The following PCDH11Y variants were observed in gnomAD, a reference collection of about 807,000 sequenced individuals.
PCDH11Y encodes the protein protocadherin-11 Y-linked.
For missense variants in PCDH11Y, 12 were observed against 224.8 expected, an observed-to-expected ratio of 0.05 and a Z score of 6.05; for synonymous variants, 9 against 83.6, an observed-to-expected ratio of 0.11 and a Z score of 4.87.
At chrY:5,073,900 T>G in intron 1 of PCDH11Y, among the ~76,000 whole-genome samples, 1 of 32,171 alleles carries the variant, frequency 3.1e-5, no homozygotes, top group Non-Finnish European at 7.5e-5. Flanking sequence ...TTCTATACAT[T>G]TATATTTTCT....
intron 2 of PCDH11Y, among the ~76,000 whole-genome samples, chrY:5,216,571 C>T: frequency 2.6e-4 from 8 of 30,933 alleles, no homozygotes; most frequent in African/African-American, 7.6e-4. Flanking sequence ...TGCTCTTTCA[C>T]GTATTGTATA....
chrY:5,194,076 CATT>C, intron 2 of PCDH11Y, among the ~76,000 whole-genome samples: 1 of 32,996 alleles, frequency 3.0e-5, no homozygotes, highest in Non-Finnish European at 7.4e-5. Flanking sequence ...AGTAGCATCA[CATT>C]AGTAAAATTC....
intron 4 of PCDH11Y, among the ~76,000 whole-genome samples, chrY:5,657,482 C>T (rs2053537602): frequency 2.9e-5 from 1 of 34,033 alleles, no homozygotes. Flanking sequence ...GTATCTATAT[C>T]GGAGAAGTTT....
chrY:5,104,412 A>G, downstream of PCDH11Y: 1 of 388,700 alleles, frequency 2.6e-6, no homozygotes. Context: ...ACAAAATTCC[A>G]TTCCCCTTCC....
chrY:5,356,643 G>A (rs2053166138), intron 2 of PCDH11Y, among the ~76,000 whole-genome samples: 1 of 30,038 alleles, frequency 3.3e-5, no homozygotes, highest in Admixed American at 3.2e-4. Context: ...TTGGGAGGCC[G>A]AGGTGGGAGG....
At chrY:5,068,543 TG>T (rs2052692263) in intron 1 of PCDH11Y, among the ~76,000 whole-genome samples, 8 of 15,287 alleles carry the variant, frequency 5.2e-4, no homozygotes, top group African/African-American at 1.5e-3. Flanking sequence ...TTGTGTCCTC[TG>T]TGTGTGTGTG....
chrY:5,561,233 C>G, intron 3 of PCDH11Y, among the ~76,000 whole-genome samples: 1 of 22,511 alleles, frequency 4.4e-5, no homozygotes, highest in South Asian at 1.4e-3. Context: ...TAGGAAGTAA[C>G]TAATTTGCCT....
chrY:5,330,268 C>T, intron 2 of PCDH11Y, among the ~76,000 whole-genome samples: 1 of 32,825 alleles, frequency 3.0e-5, no homozygotes, highest in Admixed American at 2.8e-4. Flanking sequence ...AAGGCAAGGA[C>T]CGGCCATTTA....
intron 2 of PCDH11Y, among the ~76,000 whole-genome samples, chrY:5,395,591 T>C (rs2053226180): frequency 1.3e-3 from 43 of 32,165 alleles, no homozygotes; most frequent in Non-Finnish European, 6.8e-4. Flanking sequence ...CAAAAAAAAA[T>C]TGGAAAAGAA....
At chrY:5,243,498 A>AT (rs546533117) in intron 2 of PCDH11Y, among the ~76,000 whole-genome samples, 69 of 25,297 alleles carry the variant, frequency 2.7e-3, no homozygotes, top group Admixed American at 8.2e-3. Context: ...GGAGCTACAG[A>AT]TTTTTTTTTT....
At chrY:5,576,535 T>C in intron 3 of PCDH11Y, among the ~76,000 whole-genome samples, 1 of 33,536 alleles carries the variant, frequency 3.0e-5, no homozygotes, top group African/African-American at 1.2e-4. Context: ...TTATTATGAT[T>C]GGCTAGATTC....
chrY:5,300,120 T>C, intron 2 of PCDH11Y, among the ~76,000 whole-genome samples: 1 of 33,724 alleles, frequency 3.0e-5, no homozygotes, highest in East Asian at 7.9e-4. Flanking sequence ...GTGTGTTGAA[T>C]TGAAACAAAG....
chrY:5,597,779 C>T (rs2053469021), intron 4 of PCDH11Y, among the ~76,000 whole-genome samples: 4 of 31,699 alleles, frequency 1.3e-4, no homozygotes, highest in African/African-American at 2.5e-4. Context: ...GCTATGAGGA[C>T]GCAAAGACAT....
At chrY:5,370,280 T>C (rs2124673075) in intron 2 of PCDH11Y, among the ~76,000 whole-genome samples, 1 of 32,218 alleles carries the variant, frequency 3.1e-5, no homozygotes, top group Non-Finnish European at 7.6e-5. Context: ...TAGAAAACTA[T>C]AAGGCTTCAT....
At chrY:5,339,374 C>T in intron 2 of PCDH11Y, among the ~76,000 whole-genome samples, 46 of 30,106 alleles carry the variant, frequency 1.5e-3, no homozygotes, top group African/African-American at 5.9e-3. Flanking sequence ...ATTTTTGAGA[C>T]GGAGTCTTGC....
chrY:5,434,297 C>G, intron 2 of PCDH11Y, among the ~76,000 whole-genome samples: 1 of 32,579 alleles, frequency 3.1e-5, no homozygotes, highest in South Asian at 7.0e-4. Context: ...CATTTGTGTA[C>G]AGTACACAAA....
At chrY:5,579,506 A>G in intron 3 of PCDH11Y, among the ~76,000 whole-genome samples, 3 of 32,766 alleles carry the variant, frequency 9.2e-5, no homozygotes, top group African/African-American at 3.5e-4. Flanking sequence ...TTTATTAACA[A>G]ATAAATTTAA....
intron 2 of PCDH11Y, among the ~76,000 whole-genome samples, chrY:5,280,647 C>G: frequency 3.1e-5 from 1 of 32,038 alleles, no homozygotes; most frequent in Non-Finnish European, 7.6e-5. Flanking sequence ...ATTTCTGTGT[C>G]GAATGGTATT....
intron 4 of PCDH11Y, among the ~76,000 whole-genome samples, chrY:5,679,477 T>A: frequency 9.0e-5 from 3 of 33,341 alleles, no homozygotes; most frequent in Admixed American, 2.7e-4. Flanking sequence ...AACCTTGGGC[T>A]CTGAATAACC....
Sources: allele counts gnomAD v4.1 joint callset (sites outside exome capture counted in the v4.1 genomes callset), GRCh38; gene constraint gnomAD v4.1.1; transcripts MANE v1.5; gene names NCBI Gene and HGNC (gene_info 2026-07-23, HGNC 2026-07-21).